ARHGAP17: variants seen among roughly 807,000 people sequenced by gnomAD.
The protein encoded by ARHGAP17 is Rho GTPase activating protein 17, also known as rho GTPase-activating protein 17.
ARHGAP17 carries 57 observed loss-of-function variants against 99.5 expected under a neutral mutation model. The observed-to-expected ratio is 0.57, with a 90% confidence interval of 0.46 to 0.71. The LOEUF is 0.71. ARHGAP17 is among the 30% of genes least tolerant of loss of function. ARHGAP17 has a pLI of 0.00. For missense variants in ARHGAP17, 1,000 were observed against 1,122.4 expected (o/e 0.89, Z 1.56); for synonymous variants, 417 against 429.6 (o/e 0.97, Z 0.36).
chr16:24,940,210 C>T (rs1372123490), intron 16 of ARHGAP17, among the ~76,000 whole-genome samples: 4 of 152,188 alleles, frequency 2.6e-5, no homozygotes, highest in African/African-American at 9.7e-5. Flanking sequence ...AGGCATAAGT[C>T]ACCACATCCG....
Position 24,968,405 on chromosome 16 carries a change from T to C in ARHGAP17, c.407A>G (p.Lys136Arg). 6.2e-7 allele frequency: 1 copy of C among 1,614,250 alleles called. No homozygotes were observed. Among genetic ancestry groups the C allele is most frequent in the Non-Finnish European group, 8.5e-7 (1 of 1,180,040 alleles). The change falls in exon 6 of 20, where the codon AAG becomes AGG. Residue 136 changes from lysine to arginine, a missense_variant. Physicochemically the swap from Lys to Arg is conservative, Grantham distance 26 (BLOSUM62 2). Coordinates refer to ENST00000289968, the MANE Select transcript of ARHGAP17 (RefSeq NM_001006634.3). ...IAEVEIPNIQ[K>R]QRKQLARLVL... ...CAATCTTGCAAGCTGCTTCCTCTGC[T>C]TCTGGATGTTGGGAATCTCCACCTA...
intron 9 of ARHGAP17, among the ~76,000 whole-genome samples, chr16:24,958,844 A>C (rs1420395795): frequency 6.6e-6 from 1 of 152,198 alleles, no homozygotes; most frequent in African/African-American, 2.4e-5. Context: ...GCTCAAGACC[A>C]GTGGTTCTGC....
chr16:24,982,994 ATATTTTTTTTT>A (rs1205324868), intron 1 of ARHGAP17, among the ~76,000 whole-genome samples: 31 of 17,380 alleles, frequency 1.8e-3, no homozygotes, highest in Admixed American at 5.1e-3. Flanking sequence ...ATATATATAT[ATATTTTTTTTT>A]TTTTTTTTTT....
chr16:24,949,426 G>A lies in ARHGAP17; in HGVS notation c.1105C>T (p.Pro369Ser), dbSNP rs142821956. 9.0e-5 allele frequency: 146 copies of A among 1,613,796 alleles called. No individual in the cohort carries two copies. In the African/African-American group the frequency reaches 1.8e-3, roughly 20 times the overall value. ...TACCTAAAGTTAACAAAATTTTGTG[G>A]TGGCAACTTCTGACATGTTCTCCAC... Reference protein sequence around the residue: ...DLWRTCQKLPPQNFVNFRYLI... With the variant: ...DLWRTCQKLPSQNFVNFRYLI... Residue 369 changes from proline to serine, a missense_variant, in exon 13 of 20, where the codon CCA becomes TCA. Transcript: ENST00000289968.
At chr16:24,976,730 G>A (rs759881427) in intron 3 of ARHGAP17, among the ~76,000 whole-genome samples, 6 of 152,214 alleles carry the variant, frequency 3.9e-5, no homozygotes, top group Non-Finnish European at 8.8e-5. Context: ...TTGCCATCAT[G>A]AGGATGCCTG....
intron 18 of ARHGAP17, among the ~76,000 whole-genome samples, chr16:24,933,837 TGCGAAGAA>T (rs1246509361): frequency 6.6e-6 from 1 of 152,122 alleles, no homozygotes; most frequent in African/African-American, 2.4e-5. Flanking sequence ...AAACCCATCC[TGCGAAGAA>T]GCCTGGGAGC....
At chr16:24,939,960 G>A (rs8061437) in intron 16 of ARHGAP17, 14,639 of 287,834 alleles carry the variant, frequency 0.051, 1,788 homozygotes, top group African/African-American at 0.28. Context: ...CCAGGCTGGA[G>A]TGCTTGGCAC....
At chr16:24,993,149 C>T (rs1161256657) in intron 1 of ARHGAP17, among the ~76,000 whole-genome samples, 1 of 151,976 alleles carries the variant, frequency 6.6e-6, no homozygotes, top group Non-Finnish European at 1.5e-5. Flanking sequence ...TTTCTTAACA[C>T]CAAATTTCCA....
intron 16 of ARHGAP17, among the ~76,000 whole-genome samples, chr16:24,940,921 T>C (rs2051295860): frequency 1.3e-5 from 2 of 152,236 alleles, no homozygotes; most frequent in African/African-American, 4.8e-5. Context: ...GGCAGGTAAC[T>C]GAGAATTGTC....
chr16:24,973,331 G>A (rs900382913), intron 3 of ARHGAP17, among the ~76,000 whole-genome samples: 6 of 152,172 alleles, frequency 3.9e-5, no homozygotes, highest in African/African-American at 1.4e-4. Context: ...TCCCATGCAG[G>A]AAGCATGTTA....
intron 9 of ARHGAP17, among the ~76,000 whole-genome samples, chr16:24,958,117 T>G (rs2051864687): frequency 6.6e-6 from 1 of 152,186 alleles, no homozygotes; most frequent in Admixed American, 6.5e-5. Flanking sequence ...ACCTCTTTCC[T>G]GTCCCATCCC....
rs1177614713 is a variant in ARHGAP17, at chr16:24,950,836, C to CAAAAAAAAAA, written c.1047-1362_1047-1353dup. 8.4e-4 allele frequency among the ~76,000 whole-genome samples: 33 copies of CAAAAAAAAAA among 39,390 alleles called. 1 individual carries two copies. Among genetic ancestry groups the CAAAAAAAAAA allele is most frequent in the African/African-American group, 3.0e-3 (29 of 9,518 alleles). The allele number at this position is 39,390 out of a possible 152,430, so 25.8% of individuals were successfully genotyped here. A position where few individuals can be genotyped will look rare whatever the true frequency, so the allele number is the denominator to read the frequency against. ...TGGGCGACAGAGTGGGACTCCAACT[C>CAAAAAAAAAA]AAAAAAAAAAAAAAAAAAAAAAGAA... is the stretch of plus-strand genomic sequence containing the variant. On this transcript the variant is annotated intron_variant, in intron 12 of 19. Transcript: ENST00000289968.
At chr16:24,996,239 G>A (rs1215146775) in intron 1 of ARHGAP17, among the ~76,000 whole-genome samples, 1 of 152,138 alleles carries the variant, frequency 6.6e-6, no homozygotes, top group Middle Eastern at 3.2e-3. Context: ...GAACCTACCA[G>A]TGGAGTAACA....
intron 19 of ARHGAP17, chr16:24,920,733 T>G (rs1221166154): frequency 6.4e-6 from 1 of 155,820 alleles, no homozygotes; most frequent in Non-Finnish European, 1.4e-5. Flanking sequence ...GGTTGTCCTG[T>G]GCATTGTAGG....
intron 3 of ARHGAP17, among the ~76,000 whole-genome samples, chr16:24,975,317 A>T (rs796177366): frequency 2.0e-4 from 31 of 152,336 alleles, no homozygotes; most frequent in African/African-American, 7.2e-4. Flanking sequence ...ATGGCTTAGA[A>T]GTCACTGGCA....
chr16:24,997,331 C>T (rs1366821047), intron 1 of ARHGAP17, among the ~76,000 whole-genome samples: 1 of 152,026 alleles, frequency 6.6e-6, no homozygotes, highest in Non-Finnish European at 1.5e-5. Flanking sequence ...GCCCAGTACA[C>T]ACCCGGACAC....
intron 1 of ARHGAP17, 37 bp downstream of exon 1, chr16:25,015,172 G>A (rs1213505202): frequency 3.4e-5 from 43 of 1,256,084 alleles, no homozygotes; most frequent in Non-Finnish European, 4.2e-5. Context: ...TCCGCCCCCA[G>A]CCCCGGTGCG....
chr16:25,005,229 T>A (rs1294284426), intron 1 of ARHGAP17, among the ~76,000 whole-genome samples: 3 of 152,250 alleles, frequency 2.0e-5, no homozygotes, highest in Non-Finnish European at 4.4e-5. Context: ...ATATTGTTTT[T>A]ATATCAAACA....
At chr16:24,942,942 G>T (rs1433514619) in intron 15 of ARHGAP17, among the ~76,000 whole-genome samples, 1 of 152,156 alleles carries the variant, frequency 6.6e-6, no homozygotes. Context: ...CAACCTATAT[G>T]AATGAGGCGT....
Sources: gnomAD v4.1 joint callset for allele counts (sites outside exome capture counted in the v4.1 genomes callset) on GRCh38, gnomAD v4.1.1 for gene constraint, MANE v1.5 for transcripts, NCBI Gene and HGNC (gene_info 2026-07-23, HGNC 2026-07-21) for gene names.